CNKSR3: variants seen among roughly 807,000 people sequenced by gnomAD.
CNKSR3 encodes the protein connector enhancer of kinase suppressor of ras 3.
A neutral mutation model predicts 67.7 loss-of-function variants in CNKSR3; 36 were observed. The observed-to-expected ratio is 0.53, with a 90% CI of 0.41 to 0.70. The LOEUF is 0.70. CNKSR3 is among the 30% of genes least tolerant of loss of function. The probability of loss-of-function intolerance (pLI) is 0.00; values close to 1 mark genes in which losing one functional copy is unlikely to be tolerated. For synonymous variants in CNKSR3, 281 were observed against 271.4 expected, an observed-to-expected ratio of 1.04 and a Z score of -0.35; for missense variants, 630 against 695.2, an observed-to-expected ratio of 0.91 and a Z score of 1.05.
At chr6:154,488,754 T>C (rs930128632) in intron 1 of CNKSR3, among the ~76,000 whole-genome samples, 2 of 152,166 alleles carry the variant, frequency 1.3e-5, no homozygotes, top group Non-Finnish European at 2.9e-5. Context: ...CTCCAAGAGA[T>C]CATATACTCA....
In CNKSR3 at chr6:154,453,672, G is replaced by A. The variant is rs142219453; in HGVS notation, c.53-3414C>T. Among the ~76,000 whole-genome samples, 8 of 152,174 alleles carry A rather than the reference G, an allele frequency of 5.3e-5. No individual in the cohort carries two copies. In the East Asian group the frequency reaches 1.3e-3, roughly 26 times the overall value. On this transcript the variant is annotated intron_variant, in intron 1 of 12. Coordinates refer to ENST00000607772, the MANE Select transcript of CNKSR3 (RefSeq NM_173515.4). ...TCCAATACATTATGACCTATTGTTCGGCAGTCCTATTGTTTAGAATACAAT... is the reference window on the plus strand; with the variant it reads ...TCCAATACATTATGACCTATTGTTCAGCAGTCCTATTGTTTAGAATACAAT...
At chr6:154,471,692 C>T (rs762987099) in intron 1 of CNKSR3, among the ~76,000 whole-genome samples, 4 of 152,132 alleles carry the variant, frequency 2.6e-5, no homozygotes, top group Non-Finnish European at 4.4e-5. Context: ...TTTCCTTGAC[C>T]TCATCAAACA....
intron 1 of CNKSR3, among the ~76,000 whole-genome samples, chr6:154,507,540 A>G (rs1787125485): frequency 6.6e-6 from 1 of 152,220 alleles, no homozygotes; most frequent in Non-Finnish European, 1.5e-5. Flanking sequence ...TAAAAAGTCA[A>G]TACTTGAGCA....
intron 9 of CNKSR3, among the ~76,000 whole-genome samples, chr6:154,419,094 C>T (rs1308336157): frequency 1.4e-5 from 2 of 140,458 alleles, no homozygotes; most frequent in East Asian, 2.1e-4. Flanking sequence ...AGGGTGGATG[C>T]GGTGGTACAA....
intron 4 of CNKSR3, among the ~76,000 whole-genome samples, chr6:154,438,058 A>T (rs769134517): frequency 6.6e-6 from 1 of 152,108 alleles, no homozygotes; most frequent in Non-Finnish European, 1.5e-5. Context: ...GGCCTCCCAA[A>T]GTTCTGGTAT....
intron 2 of CNKSR3, among the ~76,000 whole-genome samples, chr6:154,446,069 G>A (rs2128718419): frequency 6.6e-6 from 1 of 152,232 alleles, no homozygotes; most frequent in East Asian, 1.9e-4. Flanking sequence ...AAACTGCTTT[G>A]AGATAAAGCA....
intron 9 of CNKSR3, among the ~76,000 whole-genome samples, chr6:154,415,060 T>C (rs1366474536): frequency 3.8e-5 from 5 of 131,676 alleles, no homozygotes; most frequent in African/African-American, 6.0e-5. Context: ...AGTGTACCAC[T>C]GCACTCCAGC....
chr6:154,508,192 A>G (rs1239531634), intron 1 of CNKSR3, among the ~76,000 whole-genome samples: 2 of 152,258 alleles, frequency 1.3e-5, no homozygotes, highest in African/African-American at 4.8e-5. Flanking sequence ...TAGATTTTCT[A>G]GGAGACATAT....
intron 1 of CNKSR3, among the ~76,000 whole-genome samples, chr6:154,451,143 G>C (rs1372669478): frequency 6.6e-6 from 1 of 152,164 alleles, no homozygotes; most frequent in East Asian, 1.9e-4. Context: ...TTCGCTTACG[G>C]GAATTTTTCC....
chr6:154,482,377 C>T (rs1366678426), intron 1 of CNKSR3, among the ~76,000 whole-genome samples: 1 of 152,194 alleles, frequency 6.6e-6, no homozygotes, highest in East Asian at 1.9e-4. Context: ...CACAAAACAT[C>T]CTAAATCCAC....
chr6:154,450,693 G>GCT (rs2128719222), intron 1 of CNKSR3, among the ~76,000 whole-genome samples: 1 of 152,268 alleles, frequency 6.6e-6, no homozygotes, highest in East Asian at 1.9e-4. Flanking sequence ...CTCCCGTAGT[G>GCT]CTCTATACAC....
chr6:154,491,074 C>T (rs576587769), intron 1 of CNKSR3, among the ~76,000 whole-genome samples: 40 of 152,102 alleles, frequency 2.6e-4, no homozygotes, highest in African/African-American at 8.2e-4. Flanking sequence ...CTTGAACTCC[C>T]GACATCAGGT....
chr6:154,471,719 G>A (rs1461495628), intron 1 of CNKSR3, among the ~76,000 whole-genome samples: 1 of 152,160 alleles, frequency 6.6e-6, no homozygotes, highest in Non-Finnish European at 1.5e-5. Flanking sequence ...ACAGCAAGGT[G>A]CTGGAACCAT....
At chr6:154,410,836 G>A (rs2275338) in intron 11 of CNKSR3, 98 bp downstream of exon 11, 36,606 of 912,412 alleles carry the variant, frequency 0.04, 896 homozygotes, top group African/African-American at 0.072. Context: ...GATTACTCTT[G>A]AAGTCTGCCA....
At chr6:154,492,094 T>C (rs536561629) in intron 1 of CNKSR3, among the ~76,000 whole-genome samples, 419 of 152,276 alleles carry the variant, frequency 2.8e-3, no homozygotes, top group Non-Finnish European at 4.9e-3. Context: ...CTAGATACAA[T>C]AGTCAATTCT....
chr6:154,458,853 G>A (rs1381076987), intron 1 of CNKSR3, among the ~76,000 whole-genome samples: 2 of 152,108 alleles, frequency 1.3e-5, no homozygotes, highest in African/African-American at 4.8e-5. Flanking sequence ...TTAATTTGAA[G>A]AACGGGGACC....
At chr6:154,503,086 G>A (rs528032612) in intron 1 of CNKSR3, among the ~76,000 whole-genome samples, 33 of 152,226 alleles carry the variant, frequency 2.2e-4, no homozygotes, top group Admixed American at 5.9e-4. Flanking sequence ...AACTGCCATG[G>A]TTATTTATTC....
At chr6:154,437,360 T>C (rs1785491681) in intron 4 of CNKSR3, among the ~76,000 whole-genome samples, 1 of 151,836 alleles carries the variant, frequency 6.6e-6, no homozygotes, top group Non-Finnish European at 1.5e-5. Context: ...TTTGTATGTA[T>C]CTGAGCGCAC....
intron 4 of CNKSR3, among the ~76,000 whole-genome samples, chr6:154,435,455 A>G (rs1306545438): frequency 6.6e-6 from 1 of 152,134 alleles, no homozygotes; most frequent in African/African-American, 2.4e-5. Context: ...GCCACCAAGA[A>G]TATCGGTTCC....
Sources: allele counts gnomAD v4.1 joint callset (sites outside exome capture counted in the v4.1 genomes callset), GRCh38; gene constraint gnomAD v4.1.1; transcripts MANE v1.5; gene names NCBI Gene and HGNC (gene_info 2026-07-23, HGNC 2026-07-21).